Variants in ADAMTS2 observed in about 807,000 individuals in gnomAD.
The protein encoded by ADAMTS2 is ADAM metallopeptidase with thrombospondin type 1 motif 2, also known as A disintegrin and metalloproteinase with thrombospondin motifs 2.
Under a neutral mutation model 123.0 loss-of-function variants are expected in ADAMTS2, and 50 were observed. That is an observed-to-expected ratio of 0.41 (90% CI 0.32 to 0.51). ADAMTS2 has a LOEUF of 0.51. Among genes scored for constraint, ADAMTS2 ranks in the 20% least tolerant of loss-of-function variants. The probability of loss-of-function intolerance (pLI) is 0.35; values close to 1 mark genes in which losing one functional copy is unlikely to be tolerated. For missense variants in ADAMTS2, 1,494 were observed against 1,705.2 expected (o/e 0.88, Z 2.18); for synonymous variants, 678 against 695.4 (o/e 0.98, Z 0.39).
At chr5:179,257,746 C>T (rs1766102127) in intron 3 of ADAMTS2, among the ~76,000 whole-genome samples, 1 of 152,228 alleles carries the variant, frequency 6.6e-6, no homozygotes, top group South Asian at 2.1e-4. Context: ...TGGCCACATC[C>T]AAGAAGCTCG....
In ADAMTS2 at chr5:179,256,640, G is replaced by GT. The variant is rs1210759124; in HGVS notation, c.688+16270dup. On this transcript the variant is annotated intron_variant, in intron 3 of 21. Transcript: ENST00000251582. The surrounding 1 kb of genome is among the most constrained non-coding windows in gnomAD (Gnocchi z 4.1). ...AACCAGGCAGGCGGGGCCAGCATGA[G>GT]TGGGGGGGCCAGGCACGAATCGGCA... Among the ~76,000 whole-genome samples, 6 of 152,096 alleles carry GT rather than the reference G, an allele frequency of 3.9e-5. No homozygotes were observed. In the East Asian group the frequency reaches 1.2e-3, roughly 29 times the overall value.
At chr5:179,134,073 C>A (rs2113208804) in intron 13 of ADAMTS2, among the ~76,000 whole-genome samples, 1 of 152,326 alleles carries the variant, frequency 6.6e-6, no homozygotes, top group Non-Finnish European at 1.5e-5. Context: ...GGAGACAGTG[C>A]ATTAGTGATC....
intron 3 of ADAMTS2, among the ~76,000 whole-genome samples, chr5:179,207,935 C>G (rs1042606722): frequency 6.6e-6 from 1 of 152,154 alleles, no homozygotes; most frequent in African/African-American, 2.4e-5. Context: ...TCTGTGACTT[C>G]CAGGACCGCT....
At chr5:179,290,857 G>C (rs921380551) in intron 2 of ADAMTS2, among the ~76,000 whole-genome samples, 2 of 152,148 alleles carry the variant, frequency 1.3e-5, no homozygotes, top group Non-Finnish European at 2.9e-5. Flanking sequence ...AAGGAAGCAA[G>C]CCTGGCGTGT....
At position 179,153,632 on chromosome 5, in the gene ADAMTS2, G is replaced by A; in HGVS notation, c.1383-9C>T. ...GCAGGCAGTCATAGGAGCTGTGGGG[G>A]ACACACGGTGCCGCGAGCAGCCTTC... On this transcript the variant is annotated splice_polypyrimidine_tract_variant and intron_variant, in intron 8 of 21. Transcript: ENST00000251582. 6.3e-7 allele frequency: 1 copy of A among 1,599,926 alleles called. No individual in the cohort carries two copies. Among genetic ancestry groups the A allele is most frequent in the Non-Finnish European group, 8.5e-7 (1 of 1,179,056 alleles).
chr5:179,343,622 G>T, intron 2 of ADAMTS2, 145 bp downstream of exon 2: 3 of 1,165,042 alleles, frequency 2.6e-6, no homozygotes, highest in Non-Finnish European at 3.6e-6. Flanking sequence ...CCCTTCAGTT[G>T]GAGCACGAGG....
intron 3 of ADAMTS2, among the ~76,000 whole-genome samples, chr5:179,255,528 C>T (rs1168354633): frequency 6.6e-6 from 1 of 152,178 alleles, no homozygotes; most frequent in Non-Finnish European, 1.5e-5. Flanking sequence ...CAGCCTCATC[C>T]CCATCTTCCC....
rs1561642521 is a variant in ADAMTS2 at position 179,256,542 on chromosome 5, G to A, written c.688+16369C>T. ...CCTGCGTGTGTGTGAGAGAGAGAGA[G>A]GAGAGAGAGACGGAGAGAGTTTATG... On this transcript the variant is annotated intron_variant, in intron 3 of 21. Transcript: ENST00000251582. This position sits in a 1 kb window ranked among gnomAD's most constrained non-coding sequence, Gnocchi z 4.1. 6.6e-6 allele frequency among the ~76,000 whole-genome samples: 1 copy of A among 150,932 alleles called. No individual in the cohort carries two copies. The highest frequency in any genetic ancestry group is 1.5e-5 in the Non-Finnish European group (1 of 67,570).
At chr5:179,121,620 G>C (rs1234603550) in intron 21 of ADAMTS2, 41 bp downstream of exon 21, 19 of 1,522,154 alleles carry the variant, frequency 1.2e-5, no homozygotes, top group Admixed American at 3.5e-5. Context: ...CGCAGGGCAT[G>C]CACTGGAGGG....
At position 179,312,363 on chromosome 5, in the gene ADAMTS2, T is replaced by C. The variant is rs1489239868; in HGVS notation, c.534+31404A>G. Among the ~76,000 whole-genome samples the C allele has an allele frequency of 6.6e-6, 1 of 152,074 alleles. No homozygotes were observed. Among genetic ancestry groups the C allele is most frequent in the Non-Finnish European group, 1.5e-5 (1 of 68,018 alleles). Reference sequence around the variant, plus strand: ...TTGGGAGGTGATTATGTCACCAGATTCCATCCACACGAATGGGATTTGTGC... The same window carrying C: ...TTGGGAGGTGATTATGTCACCAGATCCCATCCACACGAATGGGATTTGTGC... On this transcript the variant is annotated intron_variant, in intron 2 of 21. Transcript: ENST00000251582. This position sits in a 1 kb window ranked among gnomAD's most constrained non-coding sequence, Gnocchi z 4.2.
rs527857674 is a variant in ADAMTS2, at chr5:179,272,148, C to T, written c.688+763G>A. On this transcript the variant is annotated intron_variant, in intron 3 of 21. Transcript: ENST00000251582. This position sits in a 1 kb window ranked among gnomAD's most constrained non-coding sequence, Gnocchi z 5.8. The stretch of plus-strand genomic sequence containing the variant: ...CATCAGACACCAACCCTGGCTTCAC[C>T]ACAATCCAGGACCAGAGACTGGGGG... Among the ~76,000 whole-genome samples the T allele has an allele frequency of 3.3e-5, 5 of 152,360 alleles. No individual in the cohort carries two copies. The highest frequency in any genetic ancestry group is 5.9e-5 in the Non-Finnish European group (4 of 68,032).
intron 2 of ADAMTS2, among the ~76,000 whole-genome samples, chr5:179,336,391 C>T (rs1449230854): frequency 1.3e-5 from 2 of 152,246 alleles, no homozygotes; most frequent in African/African-American, 2.4e-5. Flanking sequence ...CCCCCGGAGG[C>T]GGACGAAGCC....
intron 2 of ADAMTS2, among the ~76,000 whole-genome samples, chr5:179,296,376 G>A (rs974213624): frequency 6.6e-6 from 1 of 152,180 alleles, no homozygotes; most frequent in African/African-American, 2.4e-5. Context: ...GGTGAGCAGG[G>A]AGCGGGAAGG....
At chr5:179,286,216 CAA>C (rs33951526) in intron 2 of ADAMTS2, among the ~76,000 whole-genome samples, 117 of 66,078 alleles carry the variant, frequency 1.8e-3, no homozygotes, top group East Asian at 5.3e-3. Flanking sequence ...ACTCTTGTCT[CAA>C]AAAAAAAAAA....
chr5:179,232,982 C>T (rs1765443212), intron 3 of ADAMTS2, among the ~76,000 whole-genome samples: 1 of 152,130 alleles, frequency 6.6e-6, no homozygotes, highest in Non-Finnish European at 1.5e-5. Context: ...AAATTATGCA[C>T]GACCATGAGC....
chr5:179,270,866 G>A (rs1766514227), intron 3 of ADAMTS2, among the ~76,000 whole-genome samples: 1 of 152,188 alleles, frequency 6.6e-6, no homozygotes, highest in Non-Finnish European at 1.5e-5. Flanking sequence ...TCAAGCAAAG[G>A]GGACTTGGCC....
rs759295714 is a variant in ADAMTS2, at chr5:179,151,186, C to T, written c.1629+956G>A. 13 of 318,180 alleles carry T rather than the reference C, an allele frequency of 4.1e-5. No homozygotes were observed. Among genetic ancestry groups the T allele is most frequent in the South Asian group, 2.6e-4 (10 of 38,040 alleles). 19.7% of individuals were successfully genotyped at this position (318,180 alleles called of 1,614,324 possible). A position where few individuals can be genotyped will look rare whatever the true frequency, so the allele number is the denominator to read the frequency against. ...TGCTGGGATAACAGGCATGAGCCAC[C>T]GCGCCCGGCCTGAACTGTGTAAAGT... is the stretch of plus-strand genomic sequence containing the variant. On this transcript the variant is annotated intron_variant, in intron 10 of 21. Transcript: ENST00000251582.
At chr5:179,244,332 C>T (rs1226409610) in intron 3 of ADAMTS2, among the ~76,000 whole-genome samples, 1 of 110,956 alleles carries the variant, frequency 9.0e-6, no homozygotes, top group East Asian at 2.0e-4. Flanking sequence ...CCGACTTCTC[C>T]TAATAATGGA....
chr5:179,329,194 G>T (rs1435657091), intron 2 of ADAMTS2, among the ~76,000 whole-genome samples: 1 of 152,108 alleles, frequency 6.6e-6, no homozygotes, highest in African/African-American at 2.4e-5. Flanking sequence ...GGGTGTGGTG[G>T]CGGGCGCCTG....
Sources: gnomAD v4.1 joint callset for allele counts (sites outside exome capture counted in the v4.1 genomes callset) on GRCh38, gnomAD v4.1.1 for gene constraint, Gnocchi (gnomAD v3.1) non-coding constraint, MANE v1.5 for transcripts, NCBI Gene and HGNC (gene_info 2026-07-23, HGNC 2026-07-21) for gene names.